CDON: variants seen among roughly 807,000 people sequenced by gnomAD.
CDON encodes the protein cell adhesion associated, oncogene regulated, also known as cell adhesion molecule-related/down-regulated by oncogenes.
A neutral mutation model predicts 120.9 loss-of-function variants in CDON; 73 were observed. That is an observed-to-expected ratio of 0.60 (90% CI 0.50 to 0.73). The LOEUF (loss-of-function observed/expected upper bound fraction) is 0.73, where lower values mean the gene tolerates loss of function less well. Ranked by LOEUF, CDON falls within the 30% of genes least tolerant of loss-of-function variation. The pLI, the probability that CDON is intolerant of heterozygous loss-of-function variation, is 0.00. For missense variants in CDON, 1,470 were observed against 1,587.3 expected, an observed-to-expected ratio of 0.93 and a Z score of 1.26; for synonymous variants, 566 against 573.5, an observed-to-expected ratio of 0.99 and a Z score of 0.19.
Position 125,959,838 on chromosome 11 carries a change from C to A in CDON, c.*1104G>T, listed in dbSNP as rs1333656026. On this transcript the variant is annotated 3_prime_UTR_variant, in exon 20 of 20. Transcript: ENST00000531738. Reference sequence around the variant, plus strand: ...CTTTCTTCTGAAAATGTGTATCTTTCTCTTCAAGCCACCATTTAATGTCTT... The same window carrying A: ...CTTTCTTCTGAAAATGTGTATCTTTATCTTCAAGCCACCATTTAATGTCTT... 6.6e-6 allele frequency: 1 copy of A among 152,160 alleles called. No homozygotes were observed. Among genetic ancestry groups the A allele is most frequent in the African/African-American group, 2.4e-5 (1 of 41,434 alleles). The allele number at this position is 152,160 out of a possible 1,614,324, so 9.4% of individuals were successfully genotyped here. A position where few individuals can be genotyped will look rare whatever the true frequency, so the allele number is the denominator to read the frequency against.
intron 10 of CDON, 98 bp downstream of exon 10, chr11:126,003,804 A>C: frequency 8.9e-7 from 1 of 1,122,882 alleles, no homozygotes; most frequent in Non-Finnish European, 1.3e-6. Flanking sequence ...TGCGTGACAG[A>C]GCAAGACTCC....
In CDON at chr11:126,003,998, C is replaced by T; in HGVS notation, c.1930G>A (p.Glu644Lys). 1 of 1,613,962 alleles carries T rather than the reference C, an allele frequency of 6.2e-7. No homozygotes were observed. Among genetic ancestry groups the T allele is most frequent in the Non-Finnish European group, 8.5e-7 (1 of 1,179,960 alleles). The change falls in exon 10 of 20, where the codon GAG becomes AAG. Residue 644 changes from glutamate (E) to lysine (K), a missense_variant. Transcript: ENST00000531738. ...TCATAAAGACTAGATGGCTCCAGCT[C>T]AGCTAAATGGAGCTCATTTTCACTT... ...PGSENELHLAELEPSSLYEVL... is the reference protein window; with the variant it reads ...PGSENELHLAKLEPSSLYEVL...
In CDON at chr11:126,010,409, G is replaced by C. The variant is rs749914707; in HGVS notation, c.1484C>G (p.Ala495Gly). Residue 495 changes from alanine (A) to glycine (G), a missense_variant, in exon 8 of 20, where the codon GCG (alanine) becomes GGG (glycine). Transcript: ENST00000531738. ...TGCAGCTTCGCAGATGTATTTCCCC[G>C]CATGTTCCTGAGTCACAGCCTGAAT... The part of the protein sequence containing the change: ...LHIQAVTQEH[A>G]GKYICEAANE... The C allele has an allele frequency of 4.3e-6, 7 of 1,614,038 alleles. No homozygotes were observed. Among genetic ancestry groups the C allele is most frequent in the South Asian group, 2.2e-5 (2 of 91,062 alleles).
At chr11:126,016,788 C>T (rs1947480461) in intron 6 of CDON, among the ~76,000 whole-genome samples, 1 of 152,124 alleles carries the variant, frequency 6.6e-6, no homozygotes, top group South Asian at 2.1e-4. Flanking sequence ...AGGCTAGATT[C>T]TTCCATTCTC....
At chr11:126,015,211 T>C in intron 7 of CDON, 30 bp downstream of exon 7, 1 of 1,609,568 alleles carries the variant, frequency 6.2e-7, no homozygotes, top group Non-Finnish European at 8.5e-7. Context: ...AAATAAAAGT[T>C]CTTATGACTG....
chr11:125,977,280 A>C (rs1185065694), intron 18 of CDON, among the ~76,000 whole-genome samples: 1 of 152,208 alleles, frequency 6.6e-6, no homozygotes, highest in African/African-American at 2.4e-5. Flanking sequence ...AATGATAACA[A>C]ACAATCTCCA....
At chr11:126,017,702 ATC>A (rs1244810624) in intron 5 of CDON, among the ~76,000 whole-genome samples, 8 of 149,400 alleles carry the variant, frequency 5.4e-5, no homozygotes, top group Admixed American at 4.7e-4. Context: ...GGACAGACAT[ATC>A]TCTTTTTTTT....
At chr11:126,005,070 G>A (rs927071533) in intron 9 of CDON, among the ~76,000 whole-genome samples, 2 of 152,152 alleles carry the variant, frequency 1.3e-5, no homozygotes, top group African/African-American at 4.8e-5. Flanking sequence ...GGAGGATTAG[G>A]TGGTGGATCA....
At chr11:125,981,419 T>C (rs1250193670) in intron 16 of CDON, 90 bp from the exon 17 acceptor site, 30 of 1,324,928 alleles carry the variant, frequency 2.3e-5, no homozygotes, top group South Asian at 3.6e-5. Flanking sequence ...CACATGCACA[T>C]ACGCACACAC....
At chr11:126,001,996 T>C in intron 10 of CDON, 146 bp from the exon 11 acceptor site, 1 of 678,228 alleles carries the variant, frequency 1.5e-6, no homozygotes, top group South Asian at 1.7e-5. Flanking sequence ...ACCTACTTCA[T>C]AAATACTTAG....
intron 18 of CDON, among the ~76,000 whole-genome samples, chr11:125,971,928 T>C (rs1047257720): frequency 6.6e-6 from 1 of 152,240 alleles, no homozygotes; most frequent in Non-Finnish European, 1.5e-5. Context: ...ACTGCATTAC[T>C]GCCTTTTGAA....
At chr11:125,997,154 T>C (rs1946813126) in intron 12 of CDON, 53 bp downstream of exon 12, 4 of 1,304,204 alleles carry the variant, frequency 3.1e-6, no homozygotes, top group Non-Finnish European at 4.5e-6. Context: ...TATATAAATA[T>C]ATGGATCTAA....
At chr11:126,048,232 G>A (rs183322506) in intron 1 of CDON, among the ~76,000 whole-genome samples, 3 of 148,692 alleles carry the variant, frequency 2.0e-5, no homozygotes, top group Admixed American at 6.9e-5. Context: ...GCAGTGAGCC[G>A]ACATCGCACC....
chr11:126,035,792 A>AAAAAC (rs1426395370), intron 1 of CDON, among the ~76,000 whole-genome samples: 3 of 152,216 alleles, frequency 2.0e-5, no homozygotes, highest in African/African-American at 7.2e-5. Context: ...TAGAAAATAG[A>AAAAAC]AAAACAAATC....
intron 19 of CDON, 78 bp from the exon 20 acceptor site, chr11:125,961,183 C>T (rs767819324): frequency 3.1e-5 from 40 of 1,296,004 alleles, no homozygotes; most frequent in Non-Finnish European, 4.1e-5. Context: ...AACTTCTTCA[C>T]ACTTTGAGCC....
At chr11:126,005,622 T>C in intron 9 of CDON, 137 bp downstream of exon 9, 1 of 789,496 alleles carries the variant, frequency 1.3e-6, no homozygotes, top group Non-Finnish European at 2.2e-6. Flanking sequence ...ATGACTGGGA[T>C]CTCTCTGACA....
At position 126,005,979 on chromosome 11, in the gene CDON, T is replaced by G. The variant is rs1362581992; in HGVS notation, c.1631A>C (p.Asp544Ala). ...GCTCAGTAACCCAGTTTCTGAACCA[T>G]CTCTCTTACTTCTGTCATCATTCTG... ...AAQNDDRSKR[D>A]GSETGLLSSF... is the part of the protein sequence containing the mutation. Residue 544 changes from aspartate (D) to alanine (A), a missense_variant, in exon 9 of 20, where the codon GAT becomes GCT. Transcript: ENST00000531738. 6.2e-7 allele frequency: 1 copy of G among 1,613,908 alleles called. No individual in the cohort carries two copies. The highest frequency in any genetic ancestry group is 1.3e-5 in the African/African-American group (1 of 74,910).
At chr11:125,968,596 T>G (rs1037620606) in intron 18 of CDON, among the ~76,000 whole-genome samples, 1 of 152,252 alleles carries the variant, frequency 6.6e-6, no homozygotes, top group Non-Finnish European at 1.5e-5. Flanking sequence ...TACCTACTCT[T>G]TAGCATCTGT....
chr11:126,018,549 C>T (rs2134678039), intron 4 of CDON, 76 bp from the exon 5 acceptor site: 3 of 1,247,876 alleles, frequency 2.4e-6, no homozygotes, highest in Non-Finnish European at 3.5e-6. Context: ...CTCACAAAGG[C>T]TGATCATTAT....
Sources: gnomAD v4.1 joint callset for allele counts (sites outside exome capture counted in the v4.1 genomes callset) on GRCh38, gnomAD v4.1.1 for gene constraint, MANE v1.5 for transcripts, NCBI Gene and HGNC (gene_info 2026-07-23, HGNC 2026-07-21) for gene names.